PPP2R5E: variants seen among roughly 807,000 people sequenced by gnomAD.
PPP2R5E encodes protein phosphatase 2 regulatory subunit B'epsilon.
Under a neutral mutation model 65.3 loss-of-function variants are expected in PPP2R5E, and 4 were observed. The ratio of observed to expected loss-of-function variants is 0.06; its 90% confidence interval spans 0.03 to 0.14. The LOEUF is 0.14. Ranked by LOEUF, PPP2R5E falls within the 10% of genes least tolerant of loss-of-function variation. PPP2R5E has a pLI of 1.00. For missense variants in PPP2R5E, 274 were observed against 556.1 expected, an observed-to-expected ratio of 0.49 and a Z score of 5.10; for synonymous variants, 183 against 187.4, an observed-to-expected ratio of 0.98 and a Z score of 0.19.
At chr14:63,423,815 A>C (rs979240899) in intron 3 of PPP2R5E, among the ~76,000 whole-genome samples, 1 of 152,222 alleles carries the variant, frequency 6.6e-6, no homozygotes, top group African/African-American at 2.4e-5. Context: ...AAGCAGATAA[A>C]AACCCATGCC....
chr14:63,423,904 A>C (rs1382845656), intron 3 of PPP2R5E, among the ~76,000 whole-genome samples: 1 of 152,210 alleles, frequency 6.6e-6, no homozygotes, highest in East Asian at 1.9e-4. Context: ...TCAGATGGGT[A>C]AGCTACGGGA....
chr14:63,382,909 C>T (rs879792684), intron 12 of PPP2R5E, among the ~76,000 whole-genome samples: 1 of 147,778 alleles, frequency 6.8e-6, no homozygotes, highest in Non-Finnish European at 1.5e-5. Flanking sequence ...TCCCTAGAAA[C>T]AAATGTTATA....
chr14:63,487,360 C>A (rs539773474), intron 2 of PPP2R5E, among the ~76,000 whole-genome samples: 41 of 152,162 alleles, frequency 2.7e-4, no homozygotes, highest in Admixed American at 7.8e-4. Context: ...ACCACCCCCC[C>A]CTCTTAAATT....
chr14:63,438,558 G>T (rs906353980), intron 3 of PPP2R5E, among the ~76,000 whole-genome samples: 1 of 152,144 alleles, frequency 6.6e-6, no homozygotes, highest in Admixed American at 6.6e-5. Context: ...CCAGCCACTG[G>T]GGGGAGGGGT....
At chr14:63,427,467 T>G (rs1887400570) in intron 3 of PPP2R5E, among the ~76,000 whole-genome samples, 1 of 151,858 alleles carries the variant, frequency 6.6e-6, no homozygotes, top group African/African-American at 2.4e-5. Flanking sequence ...ATACCAAAGA[T>G]ATTAGAATAC....
At chr14:63,505,245 C>T (rs1892102537) in intron 2 of PPP2R5E, among the ~76,000 whole-genome samples, 1 of 152,128 alleles carries the variant, frequency 6.6e-6, no homozygotes, top group Non-Finnish European at 1.5e-5. Context: ...CAAGATCATG[C>T]CACTGCACTC....
At chr14:63,392,138 C>T in intron 8 of PPP2R5E, 113 bp from the exon 9 acceptor site, 4 of 651,454 alleles carry the variant, frequency 6.1e-6, no homozygotes, top group Non-Finnish European at 2.5e-6. Context: ...AATAACTTCA[C>T]ATTCAATTCA....
chr14:63,430,504 T>C (rs1007931305), intron 3 of PPP2R5E, among the ~76,000 whole-genome samples: 27 of 152,128 alleles, frequency 1.8e-4, no homozygotes, highest in Admixed American at 5.9e-4. Flanking sequence ...TAATAACATA[T>C]ATAACGTCAA....
intron 2 of PPP2R5E, among the ~76,000 whole-genome samples, chr14:63,478,829 A>G (rs1890546294): frequency 1.3e-5 from 2 of 152,138 alleles, no homozygotes; most frequent in South Asian, 2.1e-4. Context: ...CCTTCTCAAT[A>G]AAGAAATCAT....
chr14:63,472,288 G>C (rs1890175551), intron 2 of PPP2R5E, among the ~76,000 whole-genome samples: 1 of 151,936 alleles, frequency 6.6e-6, no homozygotes, highest in Non-Finnish European at 1.5e-5. Context: ...TGACAAGAGT[G>C]AATCTCCATC....
At chr14:63,394,234 C>G (rs890557960) in intron 7 of PPP2R5E, among the ~76,000 whole-genome samples, 2 of 152,014 alleles carry the variant, frequency 1.3e-5, no homozygotes, top group African/African-American at 2.4e-5. Context: ...AGGCACCCAC[C>G]ACCATGCCTG....
At chr14:63,487,915 C>G (rs895772674) in intron 2 of PPP2R5E, among the ~76,000 whole-genome samples, 1 of 152,116 alleles carries the variant, frequency 6.6e-6, no homozygotes, top group Non-Finnish European at 1.5e-5. Flanking sequence ...TTAGTAACTT[C>G]CTCTTCTTTA....
intron 5 of PPP2R5E, among the ~76,000 whole-genome samples, chr14:63,400,665 A>G (rs1382960657): frequency 1.4e-5 from 2 of 146,904 alleles, no homozygotes; most frequent in South Asian, 2.3e-4. Flanking sequence ...AAAACATTCT[A>G]TCTAGGAAAG....
rs1478502045 is a variant in PPP2R5E at position 63,374,556 on chromosome 14, T to G, written c.*1453A>C. 6.7e-6 allele frequency: 1 copy of G among 149,446 alleles called. No homozygotes were observed. Among genetic ancestry groups the G allele is most frequent in the Non-Finnish European group, 1.5e-5 (1 of 67,654 alleles). 9.3% of individuals were successfully genotyped at this position (149,446 alleles called of 1,614,324 possible). On this transcript the variant is annotated 3_prime_UTR_variant, in exon 14 of 14. Coordinates refer to ENST00000337537, the MANE Select transcript of PPP2R5E (RefSeq NM_006246.5). ...GCAACTGCATTAGGTAAGTACATACTGTACACAAATTTTATCAGCAGTTTA... is the reference window on the plus strand; with the variant it reads ...GCAACTGCATTAGGTAAGTACATACGGTACACAAATTTTATCAGCAGTTTA...
intron 3 of PPP2R5E, among the ~76,000 whole-genome samples, chr14:63,429,359 G>A (rs542554210): frequency 2.6e-4 from 40 of 152,256 alleles, no homozygotes; most frequent in African/African-American, 8.7e-4. Context: ...TGGCTATAAA[G>A]TGAATTTTAA....
intron 3 of PPP2R5E, among the ~76,000 whole-genome samples, chr14:63,431,579 G>C (rs1009749478): frequency 7.2e-5 from 11 of 152,076 alleles, no homozygotes; most frequent in African/African-American, 2.7e-4. Context: ...GTAACAAGTA[G>C]GTATGATCAA....
intron 2 of PPP2R5E, among the ~76,000 whole-genome samples, chr14:63,485,374 G>C (rs946843397): frequency 1.3e-5 from 2 of 152,134 alleles, no homozygotes; most frequent in African/African-American, 4.8e-5. Context: ...GAGTAACTGG[G>C]ACTACAGGCA....
chr14:63,525,313 A>G (rs1893143420), intron 2 of PPP2R5E, among the ~76,000 whole-genome samples: 1 of 152,128 alleles, frequency 6.6e-6, no homozygotes, highest in Admixed American at 6.6e-5. Context: ...TGGTATTCCT[A>G]TTCACCCAGC....
At chr14:63,437,789 T>C (rs1275578485) in intron 3 of PPP2R5E, among the ~76,000 whole-genome samples, 1 of 152,172 alleles carries the variant, frequency 6.6e-6, no homozygotes, top group African/African-American at 2.4e-5. Flanking sequence ...CCAATAGAAC[T>C]TCCTTGTCCA....
Sources: allele counts gnomAD v4.1 joint callset (sites outside exome capture counted in the v4.1 genomes callset), GRCh38; gene constraint gnomAD v4.1.1; transcripts MANE v1.5; gene names NCBI Gene and HGNC (gene_info 2026-07-23, HGNC 2026-07-21).